The following CACNA1B variants were observed in gnomAD, a reference collection of about 807,000 sequenced individuals.
CACNA1B encodes the protein voltage-dependent N-type calcium channel subunit alpha-1B.
In CACNA1B, 70 loss-of-function variants were observed where a neutral mutation model predicts 247.2. That is an observed-to-expected ratio of 0.28 (90% CI 0.23 to 0.35). The LOEUF (loss-of-function observed/expected upper bound fraction) is 0.35, where lower values mean the gene tolerates loss of function less well. CACNA1B is among the 10% of genes least tolerant of loss of function. CACNA1B has a pLI of 1.00. For missense variants in CACNA1B, 2,367 were observed against 3,197.4 expected (o/e 0.74, Z 6.26); for synonymous variants, 1,231 against 1,294.4 (o/e 0.95, Z 1.05).
At chr9:137,938,020 A>G (rs984314600) in intron 6 of CACNA1B, among the ~76,000 whole-genome samples, 1 of 149,004 alleles carries the variant, frequency 6.7e-6, no homozygotes, top group Non-Finnish European at 1.5e-5. Flanking sequence ...CAAAAGCACC[A>G]GGTAACCTAT....
At chr9:138,099,303 G>A in intron 37 of CACNA1B, among the ~76,000 whole-genome samples, 1 of 151,802 alleles carries the variant, frequency 6.6e-6, no homozygotes, top group Non-Finnish European at 1.5e-5. Context: ...GTGTGTGCAT[G>A]TTGACGTTTG....
chr9:137,935,134 G>A (rs1300400972), intron 6 of CACNA1B, among the ~76,000 whole-genome samples: 3 of 152,126 alleles, frequency 2.0e-5, no homozygotes, highest in African/African-American at 7.2e-5. Context: ...TTAAGTTCTA[G>A]GGTACATGTG....
At position 138,121,757 on chromosome 9, in the gene CACNA1B, C is replaced by T. The variant is rs749603206; in HGVS notation, c.6778C>T (p.Leu2260=). 18 of 1,613,332 alleles carry T rather than the reference C, an allele frequency of 1.1e-5. No homozygotes were observed. Among genetic ancestry groups the T allele is most frequent in the Admixed American group, 1.7e-5 (1 of 60,026 alleles). ...PGSRIGSDPY[L]GQRLDSEASV... is the part of the protein sequence containing the mutation. ...CTCTCGAATTGGCTCTGACCCTTACCTGGGGCAGCGTCTGGACAGTGAGGC... is the reference window on the plus strand; with the variant it reads ...CTCTCGAATTGGCTCTGACCCTTACTTGGGGCAGCGTCTGGACAGTGAGGC... Residue 2260 remains leucine (L), a synonymous_variant, in exon 47 of 47, where the codon CTG becomes TTG. Transcript: ENST00000371372. This position sits in a 1 kb window ranked among gnomAD's most constrained non-coding sequence, Gnocchi z 6.8.
intron 15 of CACNA1B, among the ~76,000 whole-genome samples, chr9:138,005,338 T>C (rs1207258144): frequency 6.6e-6 from 1 of 151,962 alleles, no homozygotes; most frequent in Non-Finnish European, 1.5e-5. Context: ...TGGATGTCAT[T>C]AAGTTAAGTG....
At position 137,916,872 on chromosome 9, in the gene CACNA1B, C is replaced by T. The variant is rs553477833; in HGVS notation, c.776-369C>T. On this transcript the variant is annotated intron_variant, in intron 5 of 46. Coordinates refer to ENST00000371372, the MANE Select transcript of CACNA1B (RefSeq NM_000718.4). ...GGCTGTGAGGGAGAGGAACGATCAG[C>T]GTGGCGGTTTGGCTGTGAGGGAGAG... 7.1e-5 allele frequency among the ~76,000 whole-genome samples: 10 copies of T among 140,264 alleles called. No individual in the cohort carries two copies. In the South Asian group the frequency reaches 2.2e-3, roughly 31 times the overall value. 92.0% of individuals were successfully genotyped at this position (140,264 alleles called of 152,430 possible). A position where few individuals can be genotyped will look rare whatever the true frequency, so the allele number is the denominator to read the frequency against.
intron 18 of CACNA1B, 82 bp downstream of exon 18, chr9:138,013,317 T>C: frequency 1.0e-6 from 1 of 980,334 alleles, no homozygotes; most frequent in Non-Finnish European, 1.5e-6. Context: ...AGGGCACCCC[T>C]TCCAGAGGCT....
At chr9:137,932,383 T>A (rs2133306294) in intron 6 of CACNA1B, among the ~76,000 whole-genome samples, 1 of 152,322 alleles carries the variant, frequency 6.6e-6, no homozygotes, top group Admixed American at 6.5e-5. Flanking sequence ...AGTTACAGGT[T>A]CCAGTCCAGT....
At chr9:137,896,634 T>C (rs1419655995) in intron 3 of CACNA1B, among the ~76,000 whole-genome samples, 1 of 152,246 alleles carries the variant, frequency 6.6e-6, no homozygotes, top group Non-Finnish European at 1.5e-5. Flanking sequence ...GATACAAGCT[T>C]CATAAAATGA....
intron 20 of CACNA1B, among the ~76,000 whole-genome samples, chr9:138,030,304 G>A (rs1958973594): frequency 6.6e-6 from 1 of 151,612 alleles, no homozygotes; most frequent in Admixed American, 6.6e-5. Context: ...AAGAATTTTT[G>A]TGGTGAGTGG....
intron 6 of CACNA1B, among the ~76,000 whole-genome samples, chr9:137,946,307 G>A (rs1238664896): frequency 6.6e-6 from 1 of 152,148 alleles, no homozygotes; most frequent in Non-Finnish European, 1.5e-5. Context: ...AAATGCCTAG[G>A]AGACATTATC....
At chr9:138,096,356 T>C in intron 36 of CACNA1B, 128 bp from the exon 37 acceptor site, 1 of 728,254 alleles carries the variant, frequency 1.4e-6, no homozygotes, top group Non-Finnish European at 2.4e-6. Context: ...AGATCGGGCA[T>C]GTGCTGGTCA....
chr9:137,952,188 G>A lies in CACNA1B; in HGVS notation c.967-86G>A. The A allele has an allele frequency of 4.0e-6, 4 of 1,006,482 alleles. No individual in the cohort carries two copies. Among genetic ancestry groups the A allele is most frequent in the Non-Finnish European group, 6.3e-6 (4 of 639,794 alleles). The allele number at this position is 1,006,482 out of a possible 1,614,324, so 62.3% of individuals were successfully genotyped here. On this transcript the variant is annotated intron_variant, in intron 6 of 46. Coordinates refer to ENST00000371372, the MANE Select transcript of CACNA1B (RefSeq NM_000718.4). The surrounding 1 kb of genome is among the most constrained non-coding windows in gnomAD (Gnocchi z 4.8). Reference sequence around the variant, plus strand: ...CTACCAGGTGTGTGCTTCTGAGAAGGAGGCCTGTTGGGGGCTGGGGGTGCT... The same window carrying A: ...CTACCAGGTGTGTGCTTCTGAGAAGAAGGCCTGTTGGGGGCTGGGGGTGCT...
Position 138,058,526 on chromosome 9 carries a change from G to C in CACNA1B, c.4309-43G>C. On this transcript the variant is annotated intron_variant, in intron 28 of 46. Coordinates refer to ENST00000371372, the MANE Select transcript of CACNA1B (RefSeq NM_000718.4). This position sits in a 1 kb window ranked among gnomAD's most constrained non-coding sequence, Gnocchi z 4.7. ...GGGTGCAGTAGATGCCGTCGGGTAG[G>C]TTTTCTGCTTCTGAGTCTCTGTGCT... The C allele has an allele frequency of 4.5e-6, 7 of 1,570,798 alleles. No individual in the cohort carries two copies. Among genetic ancestry groups the C allele is most frequent in the Non-Finnish European group, 6.0e-6 (7 of 1,157,492 alleles).
chr9:137,986,375 G>A lies in CACNA1B; in HGVS notation c.1770-38G>A, dbSNP rs776890187. Reference sequence around the variant, plus strand: ...AGAGAGCCATGAATGTGAAGTCAGCGTCTGGAGCTGGCTCAGACCCCCTGC... The same window carrying A: ...AGAGAGCCATGAATGTGAAGTCAGCATCTGGAGCTGGCTCAGACCCCCTGC... On this transcript the variant is annotated intron_variant, in intron 13 of 46. Transcript: ENST00000371372. The surrounding 1 kb of genome is among the most constrained non-coding windows in gnomAD (Gnocchi z 6.0). The A allele has an allele frequency of 3.4e-5, 55 of 1,610,378 alleles. No individual in the cohort carries two copies. The highest frequency in any genetic ancestry group is 3.3e-4 in the Middle Eastern group (2 of 6,078).
At chr9:138,027,768 T>C (rs555183187) in intron 20 of CACNA1B, among the ~76,000 whole-genome samples, 1 of 152,364 alleles carries the variant, frequency 6.6e-6, no homozygotes, top group East Asian at 1.9e-4. Flanking sequence ...GAAATATCTT[T>C]GCAATCTTAG....
chr9:137,963,475 A>C (rs1181228043), intron 10 of CACNA1B, among the ~76,000 whole-genome samples: 1 of 152,066 alleles, frequency 6.6e-6, no homozygotes, highest in Non-Finnish European at 1.5e-5. Context: ...GCTCACTGCA[A>C]CCTCCGCCTC....
chr9:137,990,457 T>C lies in CACNA1B; in HGVS notation c.1974+3603T>C, dbSNP rs1199244920. ...GAGAAACCTGAATACTTAATTAGGC[T>C]ACCTTAGGGCAAGTTTGCATCCTCT... is the stretch of plus-strand genomic sequence containing the variant. On this transcript the variant is annotated intron_variant, in intron 15 of 46. Coordinates refer to ENST00000371372, the MANE Select transcript of CACNA1B (RefSeq NM_000718.4). This position sits in a 1 kb window ranked among gnomAD's most constrained non-coding sequence, Gnocchi z 4.5. 6.6e-6 allele frequency among the ~76,000 whole-genome samples: 1 copy of C among 152,094 alleles called. No individual in the cohort carries two copies. Among genetic ancestry groups the C allele is most frequent in the Admixed American group, 6.5e-5 (1 of 15,268 alleles).
intron 6 of CACNA1B, among the ~76,000 whole-genome samples, chr9:137,923,155 TTG>T (rs1159600752): frequency 3.3e-5 from 5 of 150,328 alleles, no homozygotes; most frequent in African/African-American, 1.2e-4. Context: ...AGGTGTCAAT[TTG>T]TGGTGCCAGG....
intron 6 of CACNA1B, among the ~76,000 whole-genome samples, chr9:137,946,092 T>C (rs1016712260): frequency 3.9e-5 from 6 of 152,292 alleles, no homozygotes; most frequent in African/African-American, 1.4e-4. Flanking sequence ...AGTGCTAGCA[T>C]TACAGGTGTG....
Sources: gnomAD v4.1 joint callset for allele counts (sites outside exome capture counted in the v4.1 genomes callset) on GRCh38, gnomAD v4.1.1 for gene constraint, Gnocchi (gnomAD v3.1) non-coding constraint, MANE v1.5 for transcripts, NCBI Gene and HGNC (gene_info 2026-07-23, HGNC 2026-07-21) for gene names.